ADAM22: variants seen among roughly 807,000 people sequenced by gnomAD.
The protein encoded by ADAM22 is ADAM metallopeptidase domain 22, also known as disintegrin and metalloproteinase domain-containing protein 22.
In ADAM22, 65 loss-of-function variants were observed where a neutral mutation model predicts 144.6. The observed-to-expected ratio is 0.45, with a 90% CI of 0.37 to 0.55. The LOEUF (loss-of-function observed/expected upper bound fraction) is 0.55, where lower values mean the gene tolerates loss of function less well. ADAM22 is among the 20% of genes least tolerant of loss of function. The pLI is 0.00. For missense variants in ADAM22, 974 were observed against 1,184.9 expected (o/e 0.82, Z 2.61); for synonymous variants, 391 against 412.6 (o/e 0.95, Z 0.63).
At chr7:88,145,394 G>T in intron 16 of ADAM22, 21 bp from the exon 17 acceptor site, 1 of 1,595,782 alleles carries the variant, frequency 6.3e-7, no homozygotes, top group South Asian at 1.1e-5. Flanking sequence ...CTGATGTTTT[G>T]AAAATGTTTA....
At chr7:88,134,123 C>T (rs1315680156) in intron 12 of ADAM22, among the ~76,000 whole-genome samples, 1 of 152,168 alleles carries the variant, frequency 6.6e-6, no homozygotes, top group African/African-American at 2.4e-5. Flanking sequence ...CTAGTATTCC[C>T]TGTAAGACCT....
At chr7:87,939,627 C>T (rs1275608756) in intron 2 of ADAM22, among the ~76,000 whole-genome samples, 1 of 152,094 alleles carries the variant, frequency 6.6e-6, no homozygotes, top group African/African-American at 2.4e-5. Flanking sequence ...ATTTATAATG[C>T]ACTTACAACA....
intron 3 of ADAM22, among the ~76,000 whole-genome samples, chr7:88,074,776 G>A (rs1813768155): frequency 6.6e-6 from 1 of 152,112 alleles, no homozygotes; most frequent in Non-Finnish European, 1.5e-5. Context: ...AGCAATTGTA[G>A]GCATGGTGCT....
chr7:87,977,299 C>A (rs1427075148), intron 2 of ADAM22, among the ~76,000 whole-genome samples: 1 of 152,124 alleles, frequency 6.6e-6, no homozygotes, highest in Non-Finnish European at 1.5e-5. Context: ...TGTGAAATCC[C>A]AGGGATGGTT....
chr7:88,078,940 A>G (rs1277557359), intron 4 of ADAM22, among the ~76,000 whole-genome samples: 3 of 152,242 alleles, frequency 2.0e-5, no homozygotes, highest in Non-Finnish European at 2.9e-5. Context: ...ATTATCCAGG[A>G]GAACTTCCCA....
At chr7:87,945,974 TG>T (rs1175879498) in intron 2 of ADAM22, among the ~76,000 whole-genome samples, 1 of 151,958 alleles carries the variant, frequency 6.6e-6, no homozygotes, top group Admixed American at 6.6e-5. Flanking sequence ...CTTTCCACAG[TG>T]GCTGAATAAG....
intron 3 of ADAM22, among the ~76,000 whole-genome samples, chr7:88,060,567 G>A (rs559618586): frequency 4.0e-5 from 6 of 149,802 alleles, no homozygotes; most frequent in Non-Finnish European, 8.9e-5. Context: ...TTAGGAGATC[G>A]AAACCATCCT....
At chr7:88,166,224 CA>C (rs1483517856) in intron 24 of ADAM22, among the ~76,000 whole-genome samples, 4 of 152,062 alleles carry the variant, frequency 2.6e-5, no homozygotes, top group Non-Finnish European at 5.9e-5. Context: ...ACATTTCTTT[CA>C]AATGTGGAAG....
At chr7:88,039,239 C>T (rs942504643) in intron 3 of ADAM22, among the ~76,000 whole-genome samples, 1 of 151,010 alleles carries the variant, frequency 6.6e-6, no homozygotes, top group African/African-American at 2.4e-5. Flanking sequence ...GTCAGGAGAT[C>T]GAGACCATCC....
intron 2 of ADAM22, among the ~76,000 whole-genome samples, chr7:87,967,724 C>T (rs1010563116): frequency 6.9e-6 from 1 of 145,176 alleles, no homozygotes; most frequent in Non-Finnish European, 1.5e-5. Context: ...AGGAGAATTG[C>T]TTGAGCCCTA....
intron 2 of ADAM22, among the ~76,000 whole-genome samples, chr7:87,945,295 C>A (rs186699169): frequency 3.9e-5 from 6 of 152,164 alleles, no homozygotes; most frequent in African/African-American, 1.4e-4. Flanking sequence ...TTCGTTCTTA[C>A]TGAGATGGAT....
At chr7:88,014,131 C>G (rs1464012205) in intron 3 of ADAM22, among the ~76,000 whole-genome samples, 1 of 152,054 alleles carries the variant, frequency 6.6e-6, no homozygotes, top group African/African-American at 2.4e-5. Context: ...CATCCCGTAT[C>G]TATCTAGTGG....
intron 3 of ADAM22, among the ~76,000 whole-genome samples, chr7:88,070,441 A>G (rs760443158): frequency 1.3e-5 from 2 of 152,172 alleles, no homozygotes; most frequent in Non-Finnish European, 2.9e-5. Context: ...TACACCCTTG[A>G]CTTACTCTTG....
intron 3 of ADAM22, among the ~76,000 whole-genome samples, chr7:88,056,458 A>G (rs1297567962): frequency 1.3e-5 from 2 of 152,210 alleles, no homozygotes; most frequent in African/African-American, 4.8e-5. Context: ...TCTCTTTTAT[A>G]AAAACATAAT....
chr7:88,039,464 A>AAAAAAAAAAAAAAAAAAAAAAT, intron 3 of ADAM22, among the ~76,000 whole-genome samples: 2 of 76,402 alleles, frequency 2.6e-5, no homozygotes, highest in East Asian at 5.3e-4. Flanking sequence ...AAAAAAAAAA[A>AAAAAAAAAAAAAAAAAAAAAAT]ATATATATAT....
chr7:88,119,169 T>G (rs1828594298), intron 7 of ADAM22, among the ~76,000 whole-genome samples: 1 of 152,216 alleles, frequency 6.6e-6, no homozygotes, highest in African/African-American at 2.4e-5. Flanking sequence ...TTATTTCCTG[T>G]GGACACTTAT....
intron 15 of ADAM22, among the ~76,000 whole-genome samples, chr7:88,143,999 A>G (rs1214931454): frequency 1.3e-5 from 2 of 152,226 alleles, no homozygotes; most frequent in African/African-American, 4.8e-5. Context: ...CCAGAGTAAG[A>G]GAATAAGTGT....
chr7:88,186,688 G>A lies in ADAM22; in HGVS notation c.2737G>A (p.Gly913Arg), dbSNP rs1586612613. Residue 913 changes from glycine to arginine, a missense_variant, in exon 30 of 32, where the codon GGA becomes AGA. Transcript: ENST00000413139. ...AGAAGATGTGAATAAAAACACTGAA[G>A]GACCATACTTTAGGTATTTTATAAA... ...WVEDVNKNTE[G>R]PYFRTLSPAK... The A allele has an allele frequency of 6.9e-6, 11 of 1,600,030 alleles. No homozygotes were observed. The East Asian group carries it at 2.5e-4, about 36-fold the overall frequency.
At position 87,935,038 on chromosome 7, in the gene ADAM22, T is replaced by C. The variant is rs769147099; in HGVS notation, c.98T>C (p.Leu33Ser). The C allele has an allele frequency of 4.3e-6, 7 of 1,614,082 alleles. No individual in the cohort carries two copies. The Admixed American group carries it at 8.3e-5, about 19-fold the overall frequency. Residue 33 changes from leucine to serine, a missense_variant, in exon 2 of 32, where the codon TTG becomes TCG. Coordinates refer to ENST00000413139, the MANE Select transcript of ADAM22 (RefSeq NM_001324418.2). ...TTCCTGCCTGGAGGAGACGCCTCAT[T>C]GATGGAGCTAGAGAAGAGGAAGGAA... The part of the protein sequence containing the change: ...ARCGQAGDAS[L>S]MELEKRKENR...
Sources: gnomAD v4.1 joint callset for allele counts (sites outside exome capture counted in the v4.1 genomes callset) on GRCh38, gnomAD v4.1.1 for gene constraint, MANE v1.5 for transcripts, NCBI Gene and HGNC (gene_info 2026-07-23, HGNC 2026-07-21) for gene names.